Variants in BCKDHB observed in about 807,000 individuals in gnomAD.
The protein encoded by BCKDHB is branched chain keto acid dehydrogenase E1 subunit beta, also known as 2-oxoisovalerate dehydrogenase subunit beta, mitochondrial.
Under a neutral mutation model 48.5 loss-of-function variants are expected in BCKDHB, and 41 were observed. That is an observed-to-expected ratio of 0.85 (90% CI 0.66 to 1.10). The LOEUF (loss-of-function observed/expected upper bound fraction) is 1.10, where lower values mean the gene tolerates loss of function less well. BCKDHB is among the 50% of genes least tolerant of loss of function. The pLI, the probability that BCKDHB is intolerant of heterozygous loss-of-function variation, is 0.00. For missense variants in BCKDHB, 496 were observed against 494.2 expected (o/e 1.00, Z -0.03); for synonymous variants, 201 against 174.8 (o/e 1.15, Z -1.18).
the BCKDHB span, among the ~76,000 whole-genome samples, chr6:80,357,181 G>A: frequency 6.6e-5 from 10 of 152,140 alleles, no homozygotes; most frequent in Admixed American, 2.6e-4. Context: ...AGGGAACTGG[G>A]AAGGAAGGGT....
At chr6:80,242,720 A>G (rs1776439044) in intron 8 of BCKDHB, among the ~76,000 whole-genome samples, 1 of 152,128 alleles carries the variant, frequency 6.6e-6, no homozygotes, top group African/African-American at 2.4e-5. Context: ...TTCTTAATTA[A>G]TCTTTGCATC....
intron 2 of BCKDHB, among the ~76,000 whole-genome samples, chr6:80,128,467 A>T (rs1770455560): frequency 1.3e-5 from 2 of 152,050 alleles, no homozygotes; most frequent in African/African-American, 4.8e-5. Flanking sequence ...CTCTATGAAT[A>T]CCCCTTATTT....
At chr6:80,408,805 A>C in the BCKDHB span, among the ~76,000 whole-genome samples, 3 of 3,024 alleles carry the variant, frequency 9.9e-4, no homozygotes, top group Non-Finnish European at 3.3e-3. Context: ...TTTTTTTTCA[A>C]AAAAAAAAAC....
intron 8 of BCKDHB, among the ~76,000 whole-genome samples, chr6:80,249,503 A>G (rs1776749861): frequency 6.6e-6 from 1 of 152,200 alleles, no homozygotes; most frequent in Middle Eastern, 3.2e-3. Flanking sequence ...TTATATGTGT[A>G]TGATATATAA....
chr6:80,391,057 C>T, the BCKDHB span, among the ~76,000 whole-genome samples: 1 of 152,144 alleles, frequency 6.6e-6, no homozygotes, highest in Non-Finnish European at 1.5e-5. Flanking sequence ...AATTCTGAGA[C>T]TCAGACTGAC....
intron 1 of BCKDHB, among the ~76,000 whole-genome samples, chr6:80,120,346 G>A (rs1256104166): frequency 6.6e-6 from 1 of 151,602 alleles, no homozygotes; most frequent in African/African-American, 2.4e-5. Flanking sequence ...CTTTATAGTA[G>A]CATGATTTAT....
chr6:80,161,393 T>A (rs996439411), intron 3 of BCKDHB, among the ~76,000 whole-genome samples: 3 of 152,036 alleles, frequency 2.0e-5, no homozygotes, highest in African/African-American at 7.3e-5. Context: ...ATCAAATAGC[T>A]GAGTAGAAAG....
chr6:80,367,151 A>G, the BCKDHB span, among the ~76,000 whole-genome samples: 4 of 152,196 alleles, frequency 2.6e-5, no homozygotes, highest in Non-Finnish European at 4.4e-5. Flanking sequence ...CCCTTGTTTG[A>G]AAAGCAAGAA....
chr6:80,193,595 C>G (rs992873022), intron 6 of BCKDHB, among the ~76,000 whole-genome samples: 1 of 151,938 alleles, frequency 6.6e-6, no homozygotes, highest in East Asian at 1.9e-4. Flanking sequence ...TGGCGGGCAC[C>G]TGTAATCCCA....
At position 80,106,811 on chromosome 6, in the gene BCKDHB, G is replaced by A; in HGVS notation, c.118G>A (p.Ala40Thr). The change falls in exon 1 of 10, where the codon GCG becomes ACG. Residue 40 changes from alanine (A) to threonine (T), a missense_variant. Transcript: ENST00000320393. ...GLARGFLHPA[A>T]TVEDAAQRRQ... ...GGCGCGGGGCTTTTTGCACCCCGCC[G>A]CGACTGTCGAGGATGCGGCCCAGAG... 2 of 1,607,488 alleles carry A rather than the reference G, an allele frequency of 1.2e-6. No homozygotes were observed. The highest frequency in any genetic ancestry group is 1.3e-5 in the African/African-American group (1 of 74,910).
chr6:80,155,141 C>T (rs1231606978), intron 3 of BCKDHB, among the ~76,000 whole-genome samples: 1 of 152,020 alleles, frequency 6.6e-6, no homozygotes, highest in African/African-American at 2.4e-5. Flanking sequence ...TTCCTGTTTT[C>T]TTAACATGCT....
intron 1 of BCKDHB, among the ~76,000 whole-genome samples, chr6:80,110,735 A>G (rs919394379): frequency 2.0e-5 from 3 of 152,230 alleles, no homozygotes; most frequent in Non-Finnish European, 2.9e-5. Flanking sequence ...GGGTGGACCT[A>G]CCAGTGGGTC....
chr6:80,314,558 C>T (rs1266333922), intron 9 of BCKDHB, among the ~76,000 whole-genome samples: 7 of 152,192 alleles, frequency 4.6e-5, no homozygotes, highest in Non-Finnish European at 1.0e-4. Context: ...GACCCACCCT[C>T]GAGGGGGATT....
chr6:80,422,805 G>T, the BCKDHB span, among the ~76,000 whole-genome samples: 4 of 152,156 alleles, frequency 2.6e-5, no homozygotes, highest in African/African-American at 7.2e-5. Flanking sequence ...TACCCCAGTT[G>T]TATCTAGGAA....
At chr6:80,255,533 G>A (rs961106215) in intron 8 of BCKDHB, among the ~76,000 whole-genome samples, 15 of 152,106 alleles carry the variant, frequency 9.9e-5, no homozygotes, top group African/African-American at 2.9e-4. Context: ...TCGGATCACC[G>A]CTAACAGCTG....
At chr6:80,199,454 A>G (rs913828900) in intron 6 of BCKDHB, among the ~76,000 whole-genome samples, 1 of 152,144 alleles carries the variant, frequency 6.6e-6, no homozygotes, top group Non-Finnish European at 1.5e-5. Flanking sequence ...AGTTTTTTCC[A>G]GCATTTCCAC....
chr6:80,388,641 G>A, the BCKDHB span, among the ~76,000 whole-genome samples: 2 of 152,168 alleles, frequency 1.3e-5, no homozygotes. Context: ...ACATGAGGAA[G>A]TGGCTCAAAT....
intron 8 of BCKDHB, among the ~76,000 whole-genome samples, chr6:80,246,606 G>A (rs1414804930): frequency 1.3e-5 from 2 of 152,284 alleles, no homozygotes; most frequent in African/African-American, 4.8e-5. Flanking sequence ...AGACAGGGCA[G>A]TGTAAAGCTT....
At chr6:80,240,171 T>C (rs1421004628) in intron 8 of BCKDHB, among the ~76,000 whole-genome samples, 1 of 152,134 alleles carries the variant, frequency 6.6e-6, no homozygotes, top group Non-Finnish European at 1.5e-5. Flanking sequence ...GGGGATGGCA[T>C]TGAATCATGA....
Sources: gnomAD v4.1 joint callset for allele counts (sites outside exome capture counted in the v4.1 genomes callset) on GRCh38, gnomAD v4.1.1 for gene constraint, MANE v1.5 for transcripts, NCBI Gene and HGNC (gene_info 2026-07-23, HGNC 2026-07-21) for gene names.